The following NCOA3 variants were observed in gnomAD, a reference collection of about 807,000 sequenced individuals.
NCOA3 encodes the protein CBP-interacting protein.
In NCOA3, 51 loss-of-function variants were observed where a neutral mutation model predicts 158.8. The ratio of observed to expected loss-of-function variants is 0.32; its 90% CI spans 0.26 to 0.41. The LOEUF is 0.41. Among genes scored for constraint, NCOA3 ranks in the 10% least tolerant of loss-of-function variants. The pLI is 1.00. For missense variants in NCOA3, 1,510 were observed against 1,746.6 expected, an observed-to-expected ratio of 0.86 and a Z score of 2.41; for synonymous variants, 537 against 592.4, an observed-to-expected ratio of 0.91 and a Z score of 1.36.
At chr20:47,522,749 A>T (rs1011337551) in intron 1 of NCOA3, among the ~76,000 whole-genome samples, 5 of 151,954 alleles carry the variant, frequency 3.3e-5, no homozygotes, top group Non-Finnish European at 5.9e-5. Context: ...GTTGCCAGGA[A>T]CTTGTGGGGA....
chr20:47,541,660 C>T (rs1267467805), intron 1 of NCOA3, among the ~76,000 whole-genome samples: 1 of 150,792 alleles, frequency 6.6e-6, no homozygotes, highest in East Asian at 1.9e-4. Flanking sequence ...CCTTGCAAGG[C>T]CTCCCAAAGT....
chr20:47,543,036 TGGGAGTAGCCTAGCTG>T (rs2084771145), intron 1 of NCOA3, among the ~76,000 whole-genome samples: 1 of 152,222 alleles, frequency 6.6e-6, no homozygotes, highest in Non-Finnish European at 1.5e-5. Flanking sequence ...GTTAGGACTC[TGGGAGTAGCCTAGCTG>T]GGGAGTTGTG....
intron 2 of NCOA3, among the ~76,000 whole-genome samples, chr20:47,601,950 G>C (rs2085871782): frequency 1.3e-5 from 2 of 152,178 alleles, no homozygotes; most frequent in African/African-American, 4.8e-5. Context: ...TGAAAGCTTT[G>C]CATGTGCACA....
At chr20:47,547,282 C>G (rs771756254) in intron 1 of NCOA3, among the ~76,000 whole-genome samples, 1 of 152,126 alleles carries the variant, frequency 6.6e-6, no homozygotes, top group Non-Finnish European at 1.5e-5. Context: ...TAAAGCCCTT[C>G]TCTTACCCCA....
intron 16 of NCOA3, among the ~76,000 whole-genome samples, chr20:47,641,490 C>CTT (rs71183270): frequency 0.01 from 485 of 48,372 alleles, 65 homozygotes; most frequent in African/African-American, 0.018. Flanking sequence ...TGGCTCCCTT[C>CTT]TTTTTTTTTT....
intron 1 of NCOA3, among the ~76,000 whole-genome samples, chr20:47,529,230 C>A (rs2084506948): frequency 6.7e-6 from 1 of 150,200 alleles, no homozygotes; most frequent in African/African-American, 2.5e-5. Context: ...TCAAGCGATT[C>A]TCCTGCTTCA....
rs144464509 is a variant in NCOA3, at chr20:47,601,467, C to T, written c.-20+18206C>T. ...GATATAGACATGAAAATCGTTAGATCGGTAATAATATAGCTTTATAGTACT... is the reference window on the plus strand; with the variant it reads ...GATATAGACATGAAAATCGTTAGATTGGTAATAATATAGCTTTATAGTACT... On this transcript the variant is annotated intron_variant, in intron 2 of 22. Transcript: ENST00000371998. Among the ~76,000 whole-genome samples the T allele has an allele frequency of 3.3e-5, 5 of 152,212 alleles. 1 individual carries two copies. Among genetic ancestry groups the T allele is most frequent in the Non-Finnish European group, 7.4e-5 (5 of 68,014 alleles).
chr20:47,516,348 A>G (rs1489712463), intron 1 of NCOA3, among the ~76,000 whole-genome samples: 1 of 152,154 alleles, frequency 6.6e-6, no homozygotes, highest in African/African-American at 2.4e-5. Flanking sequence ...CTAACAAAAT[A>G]AAGTGTTAAA....
chr20:47,521,352 T>C (rs2084330120), intron 1 of NCOA3, among the ~76,000 whole-genome samples: 1 of 152,058 alleles, frequency 6.6e-6, no homozygotes, highest in Non-Finnish European at 1.5e-5. Context: ...ATTTTCTTTT[T>C]TTTTTTCTCA....
rs774806864 is a variant in NCOA3 at position 47,636,536 on chromosome 20, G to T, written c.2150G>T (p.Gly717Val). Residue 717 changes from glycine to valine, a missense_variant, in exon 12 of 23, where the codon GGG becomes GTG. Around this residue, in one of 4 missense-constraint regions of NCOA3, gnomAD observed 1,017 missense variants for 1,098.3 expected, o/e 0.93. Coordinates refer to ENST00000371998, the MANE Select transcript of NCOA3 (RefSeq NM_181659.3). ...GKDTSSITSCGDGNVVKQEQL... is the reference protein window; with the variant it reads ...GKDTSSITSCVDGNVVKQEQL... ...GACACCAGCAGTATAACTTCTTGTGGGGACGGAAATGTTGTCAAGCAGGAG... is the reference window on the plus strand; with the variant it reads ...GACACCAGCAGTATAACTTCTTGTGTGGACGGAAATGTTGTCAAGCAGGAG... 1.9e-6 allele frequency: 3 copies of T among 1,614,006 alleles called. No individual in the cohort carries two copies. Among genetic ancestry groups the T allele is most frequent in the Non-Finnish European group, 1.7e-6 (2 of 1,180,034 alleles).
At chr20:47,592,802 T>A (rs1266846885) in intron 2 of NCOA3, among the ~76,000 whole-genome samples, 5 of 152,202 alleles carry the variant, frequency 3.3e-5, no homozygotes, top group Admixed American at 3.3e-4. Context: ...TCTTCTCATT[T>A]AAAAAACGGT....
intron 2 of NCOA3, among the ~76,000 whole-genome samples, chr20:47,620,958 CA>C (rs1168659568): frequency 6.6e-6 from 1 of 152,150 alleles, no homozygotes; most frequent in Non-Finnish European, 1.5e-5. Flanking sequence ...TTTGAAAATA[CA>C]ATACCCCTGA....
intron 1 of NCOA3, among the ~76,000 whole-genome samples, chr20:47,514,713 C>CTTTTTT (rs143888226): frequency 8.6e-5 from 9 of 104,996 alleles, no homozygotes; most frequent in African/African-American, 1.5e-4. Context: ...TTGTTTTTTG[C>CTTTTTT]TTTTTTTTTT....
chr20:47,623,794 A>G (rs747140494), intron 3 of NCOA3, 117 bp from the exon 4 acceptor site: 1,426 of 178,186 alleles, frequency 8.0e-3, no homozygotes, highest in Non-Finnish European at 0.01. Context: ...TGTCTCGAGG[A>G]AAAAAAAAAA....
intron 2 of NCOA3, among the ~76,000 whole-genome samples, chr20:47,618,790 CAT>C (rs1183864470): frequency 6.6e-6 from 1 of 152,168 alleles, no homozygotes; most frequent in Non-Finnish European, 1.5e-5. Flanking sequence ...TGTCTATGGA[CAT>C]AGCTCGACAT....
At chr20:47,616,577 T>A (rs2086143707) in intron 2 of NCOA3, among the ~76,000 whole-genome samples, 1 of 152,184 alleles carries the variant, frequency 6.6e-6, no homozygotes, top group Non-Finnish European at 1.5e-5. Flanking sequence ...AGTGGAAACA[T>A]TTTAGATAAG....
intron 20 of NCOA3, among the ~76,000 whole-genome samples, chr20:47,651,622 T>A (rs539322464): frequency 6.6e-6 from 1 of 152,270 alleles, no homozygotes; most frequent in Admixed American, 6.5e-5. Flanking sequence ...GTGAGAGGAA[T>A]GCACTTTGTG....
rs1284071541 is a variant in NCOA3 at position 47,655,067 on chromosome 20, C to T, written c.*1650C>T. The T allele has an allele frequency of 1.3e-5, 2 of 152,092 alleles. No homozygotes were observed. Among genetic ancestry groups the T allele is most frequent in the African/African-American group, 4.8e-5 (2 of 41,398 alleles). The allele number at this position is 152,092 out of a possible 1,614,324, so 9.4% of individuals were successfully genotyped here. On this transcript the variant is annotated 3_prime_UTR_variant, in exon 23 of 23. Coordinates refer to ENST00000371998, the MANE Select transcript of NCOA3 (RefSeq NM_181659.3). ...ATGTCCCTGTGGATTAGAATAGTGT[C>T]AGTTATTTCTTAAGTAACTCAGTAC...
At chr20:47,617,932 G>C (rs544478246) in intron 2 of NCOA3, among the ~76,000 whole-genome samples, 4 of 152,230 alleles carry the variant, frequency 2.6e-5, no homozygotes, top group African/African-American at 9.6e-5. Context: ...TGTCCAACCT[G>C]TTCCTAAAAA....
Sources: allele counts gnomAD v4.1 joint callset (sites outside exome capture counted in the v4.1 genomes callset), GRCh38; gene constraint gnomAD v4.1.1; regional missense constraint gnomAD v4.1.1; transcripts MANE v1.5; gene names NCBI Gene and HGNC (gene_info 2026-07-23, HGNC 2026-07-21).